CEP83: variants seen among roughly 807,000 people sequenced by gnomAD.
CEP83 encodes the protein centrosomal protein of 83 kDa.
A neutral mutation model predicts 101.9 loss-of-function variants in CEP83; 70 were observed. The ratio of observed to expected loss-of-function variants is 0.69; its 90% CI spans 0.57 to 0.84. The LOEUF is 0.84. Ranked by LOEUF, CEP83 falls within the 40% of genes least tolerant of loss-of-function variation. CEP83 has a pLI of 0.00. For missense variants in CEP83, 715 were observed against 787.2 expected (o/e 0.91, Z 1.10); for synonymous variants, 264 against 267.9 (o/e 0.99, Z 0.14).
intron 1 of CEP83, among the ~76,000 whole-genome samples, chr12:94,447,713 G>C (rs1216387886): frequency 6.6e-6 from 1 of 151,828 alleles, no homozygotes; most frequent in Non-Finnish European, 1.5e-5. Flanking sequence ...GCACCAAAAA[G>C]AGAAAAAACA....
rs543928851 is a variant in CEP83, at chr12:94,413,009, C to T, written c.-101-418G>A. On this transcript the variant is annotated intron_variant, in intron 2 of 16. Coordinates refer to ENST00000397809, the MANE Select transcript of CEP83 (RefSeq NM_016122.3). ...CTGGGACTACAGGAGCCCGCCACCACGCTCGGCTAATTTTTTGTATTTTTA... is the reference window on the plus strand; with the variant it reads ...CTGGGACTACAGGAGCCCGCCACCATGCTCGGCTAATTTTTTGTATTTTTA... 2.0e-3 allele frequency among the ~76,000 whole-genome samples: 298 copies of T among 152,208 alleles called. 1 individual carries two copies. Among genetic ancestry groups the T allele is most frequent in the African/African-American group, 6.4e-3 (265 of 41,550 alleles).
the CEP83 span, among the ~76,000 whole-genome samples, chr12:94,276,117 T>G: frequency 6.6e-6 from 1 of 152,212 alleles, no homozygotes; most frequent in East Asian, 1.9e-4. Context: ...AAAAAAGTGT[T>G]TTTGTTAAAG....
intron 1 of CEP83, among the ~76,000 whole-genome samples, chr12:94,441,485 C>G (rs2066391494): frequency 6.6e-6 from 1 of 152,080 alleles, no homozygotes; most frequent in East Asian, 1.9e-4. Flanking sequence ...CTTACTCCTG[C>G]AAGAATGGCC....
chr12:94,370,035 A>G lies in CEP83; in HGVS notation c.935T>C (p.Val312Ala), dbSNP rs1312691694. ...TTTGTTTGAATGTTTAAGTTCTTTT[A>G]CCTGTTGATAATTAAAAACTGAAAT... ...EREINTLSSKVKELKHSNKLE... is the reference protein window; with the variant it reads ...EREINTLSSKAKELKHSNKLE... The change falls in exon 9 of 17, where the codon GTA becomes GCA. Residue 312 changes from valine to alanine, a missense_variant and splice_region_variant. Coordinates refer to ENST00000397809, the MANE Select transcript of CEP83 (RefSeq NM_016122.3). The G allele has an allele frequency of 6.5e-7, 1 of 1,545,610 alleles. No homozygotes were observed. The highest frequency in any genetic ancestry group is 8.9e-7 in the Non-Finnish European group (1 of 1,119,896).
At chr12:94,400,704 A>G in intron 6 of CEP83, 146 bp downstream of exon 6, 1 of 361,522 alleles carries the variant, frequency 2.8e-6, no homozygotes, top group Non-Finnish European at 4.6e-6. Flanking sequence ...TGTTGATACG[A>G]AGCTGATGAA....
chr12:94,314,065 G>A (rs1215252081), intron 14 of CEP83, among the ~76,000 whole-genome samples: 2 of 152,030 alleles, frequency 1.3e-5, no homozygotes, highest in Admixed American at 6.5e-5. Flanking sequence ...TAAACAATAC[G>A]GAAAAGTCCA....
intron 2 of CEP83, among the ~76,000 whole-genome samples, chr12:94,432,518 A>T (rs558176927): frequency 2.6e-5 from 4 of 152,196 alleles, no homozygotes; most frequent in African/African-American, 4.8e-5. Context: ...TATCACATGT[A>T]CTCATGTGGG....
chr12:94,354,615 A>G (rs2060358222), intron 11 of CEP83, among the ~76,000 whole-genome samples: 1 of 152,240 alleles, frequency 6.6e-6, no homozygotes, highest in Admixed American at 6.5e-5. Flanking sequence ...ACAGCAGTAT[A>G]AAACTAGAAA....
chr12:94,318,546 TG>T (rs1308564972), intron 14 of CEP83, among the ~76,000 whole-genome samples: 1 of 152,178 alleles, frequency 6.6e-6, no homozygotes, highest in East Asian at 1.9e-4. Context: ...ATGTTAGCTG[TG>T]GGTTTGTCAC....
chr12:94,283,056 T>G, the CEP83 span, among the ~76,000 whole-genome samples: 1 of 152,160 alleles, frequency 6.6e-6, no homozygotes, highest in Non-Finnish European at 1.5e-5. Context: ...TCTGAATCTT[T>G]GTTGAATATC....
At chr12:94,272,130 T>C in the CEP83 span, 1 of 152,192 alleles carries the variant, frequency 6.6e-6, no homozygotes, top group Admixed American at 6.5e-5. Context: ...CAATAGTCTT[T>C]TCTTTCTCAT....
At chr12:94,270,586 C>T in the CEP83 span, among the ~76,000 whole-genome samples, 28 of 151,846 alleles carry the variant, frequency 1.8e-4, no homozygotes, top group South Asian at 5.6e-3. Context: ...CACACAACAC[C>T]CACCCCCACC....
At chr12:94,342,914 A>G (rs2059748199) in intron 11 of CEP83, among the ~76,000 whole-genome samples, 1 of 152,138 alleles carries the variant, frequency 6.6e-6, no homozygotes, top group Non-Finnish European at 1.5e-5. Context: ...CAAAAACTAC[A>G]AGATATACAA....
intron 7 of CEP83, among the ~76,000 whole-genome samples, chr12:94,376,405 G>C (rs1190884921): frequency 1.3e-5 from 2 of 151,684 alleles, no homozygotes; most frequent in Non-Finnish European, 2.9e-5. Context: ...TAGAAGACAG[G>C]GCTCATTGAT....
At chr12:94,279,221 A>G in the CEP83 span, among the ~76,000 whole-genome samples, 1 of 152,194 alleles carries the variant, frequency 6.6e-6, no homozygotes. Context: ...GTGTATATGT[A>G]TATTTTACTC....
chr12:94,278,010 G>A, the CEP83 span: 1 of 456,042 alleles, frequency 2.2e-6, no homozygotes, highest in Non-Finnish European at 4.4e-6. Context: ...ATATATACCT[G>A]GCTAGTGTCC....
At chr12:94,277,933 A>G in the CEP83 span, 2 of 455,840 alleles carry the variant, frequency 4.4e-6, no homozygotes, top group Admixed American at 2.4e-5. Context: ...CATCTTCCAT[A>G]TGATTTGTGT....
At chr12:94,385,490 C>T (rs1443493921) in intron 6 of CEP83, among the ~76,000 whole-genome samples, 1 of 152,016 alleles carries the variant, frequency 6.6e-6, no homozygotes, top group Admixed American at 6.6e-5. Flanking sequence ...TTGTTATTAC[C>T]CAGGTGAAGA....
At chr12:94,438,358 C>A (rs970012794) in intron 1 of CEP83, among the ~76,000 whole-genome samples, 2 of 152,054 alleles carry the variant, frequency 1.3e-5, no homozygotes, top group African/African-American at 4.8e-5. Context: ...AAAAGATATT[C>A]CACGCAAATG....
Sources: allele counts gnomAD v4.1 joint callset (sites outside exome capture counted in the v4.1 genomes callset), GRCh38; gene constraint gnomAD v4.1.1; transcripts MANE v1.5; gene names NCBI Gene and HGNC (gene_info 2026-07-23, HGNC 2026-07-21).